The following CHRNA9 variants were observed in gnomAD, a reference collection of about 807,000 sequenced individuals.
The protein encoded by CHRNA9 is neuronal acetylcholine receptor subunit alpha-9.
Under a neutral mutation model 36.8 loss-of-function variants are expected in CHRNA9, and 24 were observed. The ratio of observed to expected loss-of-function variants is 0.65; its 90% confidence interval spans 0.47 to 0.92. CHRNA9 has a LOEUF of 0.92. Among genes scored for constraint, CHRNA9 ranks in the 40% least tolerant of loss-of-function variants. CHRNA9 has a pLI of 0.00. For missense variants in CHRNA9, 610 were observed against 601.2 expected (o/e 1.01, Z -0.15); for synonymous variants, 231 against 231.8 (o/e 1.00, Z 0.03).
chr4:40,342,205 G>A (rs968772376), intron 3 of CHRNA9, among the ~76,000 whole-genome samples: 3 of 152,200 alleles, frequency 2.0e-5, no homozygotes, highest in African/African-American at 7.2e-5. Flanking sequence ...TTAGAGAATG[G>A]CAAGACTTCC....
intron 3 of CHRNA9, among the ~76,000 whole-genome samples, chr4:40,346,550 C>T (rs762576884): frequency 2.6e-4 from 40 of 152,120 alleles, no homozygotes; most frequent in Non-Finnish European, 5.6e-4. Context: ...TCTCAGTTCA[C>T]GTCTAATTCT....
chr4:40,340,485 G>C (rs1577545081), intron 3 of CHRNA9, among the ~76,000 whole-genome samples: 2 of 152,192 alleles, frequency 1.3e-5, no homozygotes, highest in Admixed American at 6.5e-5. Context: ...GGCAAAGAAG[G>C]GCCCTTAGTC....
chr4:40,343,990 A>T (rs1712568348), intron 3 of CHRNA9, among the ~76,000 whole-genome samples: 1 of 152,230 alleles, frequency 6.6e-6, no homozygotes, highest in Non-Finnish European at 1.5e-5. Flanking sequence ...GGTGGGCCTA[A>T]TGTAAACACA....
chr4:40,353,900 T>A (rs993123678), intron 4 of CHRNA9, 79 bp from the exon 5 acceptor site: 1 of 1,241,990 alleles, frequency 8.1e-7, no homozygotes, highest in African/African-American at 1.5e-5. Context: ...TCAGAATGTA[T>A]CCCTGTTGTT....
In CHRNA9 at chr4:40,344,432, G is replaced by C. The variant is rs572494204; in HGVS notation, c.366-4450G>C. The stretch of plus-strand genomic sequence containing the variant: ...GCCTGTAATCCCAGCTACTCGGGAG[G>C]CTGAAGCAGGAGAATTGCTTGAATC... On this transcript the variant is annotated intron_variant, in intron 3 of 4. Coordinates refer to ENST00000310169, the MANE Select transcript of CHRNA9 (RefSeq NM_017581.4). Among the ~76,000 whole-genome samples, 7 of 152,118 alleles carry C rather than the reference G, an allele frequency of 4.6e-5. No individual in the cohort carries two copies. The East Asian group carries it at 1.2e-3, about 25-fold the overall frequency.
At chr4:40,336,486 A>T (rs887874666) in intron 2 of CHRNA9, among the ~76,000 whole-genome samples, 1 of 150,318 alleles carries the variant, frequency 6.7e-6, no homozygotes, top group Non-Finnish European at 1.5e-5. Context: ...TTTGATCTTA[A>T]TTTTTTTTTT....
intron 3 of CHRNA9, among the ~76,000 whole-genome samples, chr4:40,341,922 T>A (rs530217043): frequency 6.6e-6 from 1 of 152,336 alleles, no homozygotes; most frequent in African/African-American, 2.4e-5. Context: ...CAAACCTTTT[T>A]ATAGAGATGA....
chr4:40,346,596 G>C lies in CHRNA9; in HGVS notation c.366-2286G>C, dbSNP rs543152946. Among the ~76,000 whole-genome samples, 3 of 152,000 alleles carry C rather than the reference G, an allele frequency of 2.0e-5. No individual in the cohort carries two copies. The East Asian group carries it at 5.8e-4, about 29-fold the overall frequency. ...ATAGCTAACTGTACACATTTCTCAC[G>C]GTTACAGGAGGAAGCTTCAGGCATT... On this transcript the variant is annotated intron_variant, in intron 3 of 4. Coordinates refer to ENST00000310169, the MANE Select transcript of CHRNA9 (RefSeq NM_017581.4).
intron 4 of CHRNA9, among the ~76,000 whole-genome samples, chr4:40,351,331 CA>C (rs113056490): frequency 0.017 from 2,519 of 145,682 alleles, 66 homozygotes; most frequent in African/African-American, 0.059. Context: ...GACTTCGTCT[CA>C]AAAAAAAAAA....
In CHRNA9 at chr4:40,354,017, T is replaced by C. The variant is rs746720930; in HGVS notation, c.937T>C (p.Ser313Pro). The change falls in exon 5 of 5, where the codon TCC (serine) becomes CCC (proline). Residue 313 changes from serine (S) to proline (P), a missense_variant. Transcript: ENST00000310169. ...AGCCACGATGGCCCTGATCACAGCC[T>C]CCACTGCGTTGACCATCATGGTGAT... ...YIATMALITA[S>P]TALTIMVMNI... 11 of 1,612,090 alleles carry C rather than the reference T, an allele frequency of 6.8e-6. No homozygotes were observed. The African/African-American group carries it at 1.5e-4, about 22-fold the overall frequency.
Position 40,349,206 on chromosome 4 carries a change from C to T in CHRNA9, c.690C>T (p.Thr230=), listed in dbSNP as rs1320524974. 3 of 1,614,036 alleles carry T rather than the reference C, an allele frequency of 1.9e-6. No individual in the cohort carries two copies. Among genetic ancestry groups the T allele is most frequent in the African/African-American group, 1.3e-5 (1 of 74,914 alleles). The change falls in exon 4 of 5, where the codon ACC becomes ACT. Residue 230 remains threonine, a synonymous_variant. Transcript: ENST00000310169. ...CSEPYPDVTF[T]LLLKRRSSFY... is the part of the protein sequence containing the mutation. ...AGCCTTACCCGGATGTCACATTCAC[C>T]CTCCTTCTGAAGAGGAGGTCCTCGT...
intron 4 of CHRNA9, among the ~76,000 whole-genome samples, chr4:40,350,664 T>G (rs1419251120): frequency 6.6e-6 from 1 of 150,946 alleles, no homozygotes; most frequent in African/African-American, 2.4e-5. Flanking sequence ...TTTGGAGATA[T>G]CTTCCTTTTT....
Position 40,354,541 on chromosome 4 carries a change from A to C in CHRNA9, c.*21A>C. 1 of 1,562,052 alleles carries C rather than the reference A, an allele frequency of 6.4e-7. No homozygotes were observed. The highest frequency in any genetic ancestry group is 8.7e-7 in the Non-Finnish European group (1 of 1,143,540). On this transcript the variant is annotated 3_prime_UTR_variant, in exon 5 of 5. Transcript: ENST00000310169. ...ATTAGTCACAGATATTGGCTTTGCT[A>C]TCTGGGTAGAAATTAATACAATTCC...
intron 3 of CHRNA9, among the ~76,000 whole-genome samples, chr4:40,338,868 GTCTCTCTCTCTCCC>G (rs1158902533): frequency 9.1e-6 from 1 of 109,626 alleles, no homozygotes; most frequent in Middle Eastern, 3.9e-3. Flanking sequence ...CTCTCTCTCT[GTCTCTCTCTCTCCC>G]TCTCTCTCTC....
At chr4:40,343,483 G>GA (rs1712557075) in intron 3 of CHRNA9, among the ~76,000 whole-genome samples, 1 of 152,192 alleles carries the variant, frequency 6.6e-6, no homozygotes, top group South Asian at 2.1e-4. Flanking sequence ...GATCAGCACA[G>GA]AAAAAACCCG....
chr4:40,341,303 G>C (rs1380025825), intron 3 of CHRNA9, among the ~76,000 whole-genome samples: 2 of 130,596 alleles, frequency 1.5e-5, no homozygotes, highest in Non-Finnish European at 3.4e-5. Context: ...GGCGGGGGTG[G>C]TGGCGGTAGT....
At position 40,343,521 on chromosome 4, in the gene CHRNA9, C is replaced by T. The variant is rs577410630; in HGVS notation, c.366-5361C>T. Among the ~76,000 whole-genome samples the T allele has an allele frequency of 1.4e-4, 21 of 152,322 alleles. No individual in the cohort carries two copies. The East Asian group carries it at 3.7e-3, about 27-fold the overall frequency. On this transcript the variant is annotated intron_variant, in intron 3 of 4. Transcript: ENST00000310169. ...CCCATGATTCAATTACCTCCCACCA[C>T]GTCCCTCCTGCAACATGTGGGAATT...
At position 40,339,267 on chromosome 4, in the gene CHRNA9, G is replaced by A. The variant is rs1227703488; in HGVS notation, c.365+1903G>A. On this transcript the variant is annotated intron_variant, in intron 3 of 4. Transcript: ENST00000310169. The stretch of plus-strand genomic sequence containing the variant: ...GCACTCCAGCCTGGGCGACAAGAGC[G>A]AGACTCCATCTCAAAAAAAAAAAAA... 3.8e-4 allele frequency among the ~76,000 whole-genome samples: 40 copies of A among 105,842 alleles called. 1 individual carries two copies. In the East Asian group the frequency reaches 0.011, roughly 28 times the overall value. The allele number at this position is 105,842 out of a possible 152,430, so 69.4% of individuals were successfully genotyped here.
chr4:40,344,062 G>T (rs1047389358), intron 3 of CHRNA9, among the ~76,000 whole-genome samples: 8 of 152,222 alleles, frequency 5.3e-5, no homozygotes, highest in Non-Finnish European at 1.2e-4. Flanking sequence ...GGAAGCAGAG[G>T]TTAGTGATGC....
Sources: allele counts gnomAD v4.1 joint callset (sites outside exome capture counted in the v4.1 genomes callset), GRCh38; gene constraint gnomAD v4.1.1; transcripts MANE v1.5; gene names NCBI Gene and HGNC (gene_info 2026-07-23, HGNC 2026-07-21).